Variants in PEX1 observed in about 807,000 individuals in gnomAD.
The protein encoded by PEX1 is peroxisomal biogenesis factor 1.
A neutral mutation model predicts 152.5 loss-of-function variants in PEX1; 97 were observed. That is an observed-to-expected ratio of 0.64 (90% confidence interval 0.54 to 0.75). The LOEUF (loss-of-function observed/expected upper bound fraction) is 0.75, where lower values mean the gene tolerates loss of function less well. PEX1 is among the 30% of genes least tolerant of loss of function. The probability of loss-of-function intolerance (pLI) is 0.00; values close to 1 mark genes in which losing one functional copy is unlikely to be tolerated. For synonymous variants in PEX1, 485 were observed against 531.6 expected (o/e 0.91, Z 1.21); for missense variants, 1,357 against 1,516.3 (o/e 0.89, Z 1.74).
chr7:92,514,075 A>C (rs1389472113), intron 5 of PEX1, 108 bp from the exon 6 acceptor site: 1 of 724,148 alleles, frequency 1.4e-6, no homozygotes, highest in Non-Finnish European at 2.2e-6. Context: ...AGGTGAAATA[A>C]CAGAAGCTAT....
At chr7:92,526,135 C>T (rs980033013) in intron 1 of PEX1, among the ~76,000 whole-genome samples, 2 of 152,190 alleles carry the variant, frequency 1.3e-5, no homozygotes, top group African/African-American at 4.8e-5. Flanking sequence ...AGTACAGAAA[C>T]GACCTAGATG....
In PEX1 at chr7:92,517,552, A is replaced by G; in HGVS notation, c.963T>C (p.Tyr321=). Residue 321 remains tyrosine, a synonymous_variant, in exon 5 of 24, where the codon TAT becomes TAC. Coordinates refer to ENST00000248633, the MANE Select transcript of PEX1 (RefSeq NM_000466.3). ...CAGTAAAGCTGGGCTCTACATCAAA[A>G]TATTCCTGGTCCCATGGAAATACAT... is the stretch of plus-strand genomic sequence containing the variant. ...AIHVFPWDQE[Y]FDVEPSFTVT... is the part of the protein sequence containing the mutation. 6.2e-7 allele frequency: 1 copy of G among 1,614,144 alleles called. No homozygotes were observed. The highest frequency in any genetic ancestry group is 8.5e-7 in the Non-Finnish European group (1 of 1,180,018).
rs200857848 is a variant in PEX1, at chr7:92,513,939, T to C, written c.1268A>G (p.Asn423Ser). Residue 423 changes from asparagine to serine, a missense_variant, in exon 6 of 24, where the codon AAT becomes AGT. Asn to Ser is a conservative substitution (Grantham distance 46). Coordinates refer to ENST00000248633, the MANE Select transcript of PEX1 (RefSeq NM_000466.3). ...CCTGACTACGGCATGCATTTCTATA[T>C]TTAGTCTCTTCCTCAGGTCATCTGG... ...WIPDDLRKRL[N>S]IEMHAVVRIT... The C allele has an allele frequency of 8.3e-5, 132 of 1,583,570 alleles. No individual in the cohort carries two copies. Among genetic ancestry groups the C allele is most frequent in the Non-Finnish European group, 6.1e-6 (7 of 1,153,732 alleles).
chr7:92,489,666 A>C, intron 22 of PEX1, 48 bp downstream of exon 22: 1 of 1,541,848 alleles, frequency 6.5e-7, no homozygotes, highest in Non-Finnish European at 9.0e-7. Context: ...AGGGTGAAAC[A>C]ATTTTTAAGA....
intron 1 of PEX1, among the ~76,000 whole-genome samples, chr7:92,522,861 G>A (rs1343040471): frequency 6.6e-6 from 1 of 152,056 alleles, no homozygotes; most frequent in Non-Finnish European, 1.5e-5. Flanking sequence ...AGCACAAAAC[G>A]TACAAAAGGG....
At chr7:92,518,436 C>A (rs1792906389) in intron 3 of PEX1, among the ~76,000 whole-genome samples, 181 bp from the exon 4 acceptor site, 1 of 152,162 alleles carries the variant, frequency 6.6e-6, no homozygotes, top group Admixed American at 6.5e-5. Context: ...AGTAAATTAA[C>A]ATATACATCA....
chr7:92,520,522 C>T (rs1307531768), intron 2 of PEX1, among the ~76,000 whole-genome samples: 2 of 152,202 alleles, frequency 1.3e-5, no homozygotes, highest in Non-Finnish European at 2.9e-5. Context: ...AGCAATGTAG[C>T]CCCATCTATA....
At position 92,509,326 on chromosome 7, in the gene PEX1, TAC is replaced by T; in HGVS notation, c.1670+1_1670+2del. The stretch of plus-strand genomic sequence containing the variant: ...ACATGCTAGTTTGGCCATAACTTCT[TAC>T]CCCAAAGAGCTCAGCTTTAAAAAAG... On this transcript the variant is annotated splice_donor_variant, in intron 9 of 23. Coordinates refer to ENST00000248633, the MANE Select transcript of PEX1 (RefSeq NM_000466.3). LOFTEE classifies it high-confidence loss of function. 6.2e-7 allele frequency: 1 copy of T among 1,605,566 alleles called. No homozygotes were observed. Among genetic ancestry groups the T allele is most frequent in the Non-Finnish European group, 8.5e-7 (1 of 1,172,564 alleles).
chr7:92,499,957 T>G, intron 15 of PEX1, 119 bp from the exon 16 acceptor site: 1 of 749,518 alleles, frequency 1.3e-6, no homozygotes, highest in South Asian at 1.6e-5. Context: ...ACCATCTTTC[T>G]TTAGTAACAG....
At chr7:92,525,748 G>T (rs1230578477) in intron 1 of PEX1, among the ~76,000 whole-genome samples, 1 of 152,214 alleles carries the variant, frequency 6.6e-6, no homozygotes, top group Non-Finnish European at 1.5e-5. Context: ...TGGGTAGTCA[G>T]TCCTGAAATA....
intron 8 of PEX1, 50 bp from the exon 9 acceptor site, chr7:92,509,461 C>A (rs773773970): frequency 1.5e-6 from 2 of 1,364,672 alleles, no homozygotes; most frequent in African/African-American, 1.4e-5. Context: ...ATGTCTTTTG[C>A]ATGTTTTTCT....
intron 1 of PEX1, among the ~76,000 whole-genome samples, chr7:92,525,866 T>C (rs976607933): frequency 6.6e-6 from 1 of 152,218 alleles, no homozygotes. Flanking sequence ...GAGACAAATG[T>C]GGGCAACAGA....
chr7:92,513,426 T>C (rs1792572460), intron 6 of PEX1, among the ~76,000 whole-genome samples: 1 of 151,932 alleles, frequency 6.6e-6, no homozygotes, highest in Non-Finnish European at 1.5e-5. Flanking sequence ...CTTGAAAACA[T>C]TATGTTAAAT....
At chr7:92,493,947 A>C (rs921598738) in intron 19 of PEX1, 1 of 282,854 alleles carries the variant, frequency 3.5e-6, no homozygotes, top group Non-Finnish European at 6.8e-6. Flanking sequence ...CTTACGATTC[A>C]CATGCTTGAT....
intron 23 of PEX1, 134 bp downstream of exon 23, chr7:92,489,159 C>G: frequency 3.6e-6 from 3 of 830,154 alleles, no homozygotes; most frequent in Non-Finnish European, 5.8e-6. Context: ...TGCATAGCTA[C>G]GACACATATT....
In PEX1 at chr7:92,517,718, C is replaced by T. The variant is rs747295727; in HGVS notation, c.797G>A (p.Gly266Asp). The change falls in exon 5 of 24, where the codon GGT becomes GAT. Residue 266 changes from glycine to aspartate, a missense_variant. Transcript: ENST00000248633. ...TTTGAATGCATTGATTTCAGTTAAA[C>T]CCCAAGATGTCTCTTGTTTCTTCTC... ...QSEKKQETSW[G>D]LTEINAFKNM... 6 of 1,611,712 alleles carry T rather than the reference C, an allele frequency of 3.7e-6. No individual in the cohort carries two copies. Among genetic ancestry groups the T allele is most frequent in the Non-Finnish European group, 1.7e-6 (2 of 1,178,538 alleles).
In PEX1 at chr7:92,500,083, T is replaced by A. The variant is rs10953071; in HGVS notation, c.2584-245A>T. 0.87 allele frequency among the ~76,000 whole-genome samples: 132,142 copies of A among 152,242 alleles called. 57,397 individuals carry two copies. The highest frequency in any genetic ancestry group is 0.96 in the East Asian group (4,972 of 5,194). ...TCTATATAAAATGCATATAACTGCA[T>A]CAGAACTTCTATTTTTCCTGTTTTA... On this transcript the variant is annotated intron_variant, in intron 15 of 23. Transcript: ENST00000248633.
intron 1 of PEX1, among the ~76,000 whole-genome samples, chr7:92,523,924 T>A (rs1439307568): frequency 6.6e-6 from 1 of 152,150 alleles, no homozygotes; most frequent in African/African-American, 2.4e-5. Context: ...TTAGGCCAGG[T>A]GCAGTGGCTC....
At position 92,494,343 on chromosome 7, in the gene PEX1, G is replaced by C; in HGVS notation, c.2980C>G (p.Leu994Val). 6.2e-7 allele frequency: 1 copy of C among 1,614,030 alleles called. No homozygotes were observed. The highest frequency in any genetic ancestry group is 1.3e-5 in the African/African-American group (1 of 75,036). ...CATTTATCTAGTCGACCAGGCCTAA[G>C]CAGGGCAGGGTCAATCAAGTCAGGG... is the stretch of plus-strand genomic sequence containing the variant. ...SRPDLIDPAL[L>V]RPGRLDKCVY... is the part of the protein sequence containing the mutation. The change falls in exon 19 of 24, where the codon CTT becomes GTT. Residue 994 changes from leucine (L) to valine (V), a missense_variant. Leu to Val is a conservative substitution (Grantham distance 32). Transcript: ENST00000248633.
Sources: gnomAD v4.1 joint callset for allele counts (sites outside exome capture counted in the v4.1 genomes callset) on GRCh38, gnomAD v4.1.1 for gene constraint, MANE v1.5 for transcripts, NCBI Gene and HGNC (gene_info 2026-07-23, HGNC 2026-07-21) for gene names.